Variants in CDK10 observed in about 807,000 individuals in gnomAD.
CDK10 encodes cyclin-dependent kinase 10.
Under a neutral mutation model 51.0 loss-of-function variants are expected in CDK10, and 55 were observed. The observed-to-expected ratio is 1.08, with a 90% confidence interval of 0.87 to 1.35. The LOEUF is 1.35. Among genes scored for constraint, CDK10 ranks in the 40% most tolerant of loss-of-function variants. CDK10 has a pLI of 0.00. For synonymous variants in CDK10, 255 were observed against 199.1 expected (o/e 1.28, Z -2.36); for missense variants, 589 against 485.1 (o/e 1.21, Z -2.01).
rs371915073 is a variant in CDK10, at chr16:89,693,542, C to A, written c.608+75C>A. 3 of 1,455,922 alleles carry A rather than the reference C, an allele frequency of 2.1e-6. No individual in the cohort carries two copies. In the Admixed American group the frequency reaches 5.1e-5, roughly 25 times the overall value. The allele number at this position is 1,455,922 out of a possible 1,614,324, so 90.2% of individuals were successfully genotyped here. ...GGAGGTCTCCTTGGGGATGTCAGGC[C>A]GAAGCTGCAACTGGCCTTGGGAATG... On this transcript the variant is annotated intron_variant, in intron 8 of 12. Transcript: ENST00000353379.
At chr16:89,695,382 A>G in intron 12 of CDK10, 37 bp downstream of exon 12, 1 of 1,598,762 alleles carries the variant, frequency 6.3e-7, no homozygotes, top group Non-Finnish European at 8.6e-7. Flanking sequence ...TCTGTGGGGT[A>G]TGGCTGGGAG....
chr16:89,690,490 C>G, intron 2 of CDK10, 63 bp from the exon 3 acceptor site: 1 of 1,449,002 alleles, frequency 6.9e-7, no homozygotes, highest in Non-Finnish European at 9.7e-7. Context: ...GCCTCCCGTT[C>G]AGCGCTAGGG....
Position 89,691,857 on chromosome 16 carries a change from G to A in CDK10, c.387G>A (p.Glu129=). ...AGCAGGACCTGGCCAGCCTCCTGGA[G>A]AATATGCCAACACCCTTCTCGGAGG... ...YCEQDLASLL[E]NMPTPFSEAQ... The change falls in exon 5 of 13, where the codon GAG becomes GAA. Residue 129 remains glutamate, a synonymous_variant. Transcript: ENST00000353379. 1.9e-6 allele frequency: 3 copies of A among 1,614,096 alleles called. No individual in the cohort carries two copies. The highest frequency in any genetic ancestry group is 2.5e-6 in the Non-Finnish European group (3 of 1,180,002).
intron 4 of CDK10, 101 bp from the exon 5 acceptor site, chr16:89,691,705 A>G: frequency 7.6e-7 from 1 of 1,315,838 alleles, no homozygotes; most frequent in East Asian, 2.3e-5. Flanking sequence ...TGAGGGGGAC[A>G]CAGGTTGTCC....
chr16:89,694,352 C>A (rs921169083), intron 9 of CDK10, 120 bp downstream of exon 9: 3 of 1,078,464 alleles, frequency 2.8e-6, no homozygotes, highest in East Asian at 5.1e-5. Flanking sequence ...TCTTTGCCAG[C>A]CTCCCACTCC....
chr16:89,692,620 C>G (rs1049114369), intron 6 of CDK10, 104 bp downstream of exon 6: 1 of 741,544 alleles, frequency 1.3e-6, no homozygotes. Flanking sequence ...GCTGCAGCAG[C>G]CTGCCCGCTG....
chr16:89,691,789 T>C lies in CDK10; in HGVS notation c.336-17T>C. The C allele has an allele frequency of 6.2e-7, 1 of 1,611,814 alleles. No homozygotes were observed. Among genetic ancestry groups the C allele is most frequent in the Non-Finnish European group, 8.5e-7 (1 of 1,178,092 alleles). On this transcript the variant is annotated splice_polypyrimidine_tract_variant and intron_variant, in intron 4 of 12. Transcript: ENST00000353379. ...GGAGAAGGCCGGAGAGTGGCATGCA[T>C]CTTCTGTTTCTTCCAGCATCTTCCT... is the stretch of plus-strand genomic sequence containing the variant.
At chr16:89,688,729 A>G (rs180675161) in intron 1 of CDK10, among the ~76,000 whole-genome samples, 3 of 152,306 alleles carry the variant, frequency 2.0e-5, no homozygotes, top group Admixed American at 1.3e-4. Flanking sequence ...GTGGGATTGA[A>G]AGGGAGTATC....
Position 89,695,348 on chromosome 16 carries a change from G to T in CDK10, c.985+3G>T, listed in dbSNP as rs751712519. On this transcript the variant is annotated splice_donor_region_variant and intron_variant, in intron 12 of 12. Coordinates refer to ENST00000353379, the MANE Select transcript of CDK10 (RefSeq NM_052988.5). Reference sequence around the variant, plus strand: ...CTATTTCAAGGAGAAGCCCCTACGTGAGTGTGCAGGGTTCCTGACTCGCTC... The same window carrying T: ...CTATTTCAAGGAGAAGCCCCTACGTTAGTGTGCAGGGTTCCTGACTCGCTC... 1.2e-6 allele frequency: 2 copies of T among 1,612,276 alleles called. No homozygotes were observed. Among genetic ancestry groups the T allele is most frequent in the South Asian group, 1.1e-5 (1 of 90,988 alleles).
At chr16:89,688,816 A>G (rs2060316390) in intron 1 of CDK10, among the ~76,000 whole-genome samples, 1 of 152,162 alleles carries the variant, frequency 6.6e-6, no homozygotes, top group African/African-American at 2.4e-5. Context: ...GAAAAGCCCA[A>G]GAGGCCGGGT....
At position 89,694,935 on chromosome 16, in the gene CDK10, T is replaced by C. The variant is rs1306864692; in HGVS notation, c.797T>C (p.Phe266Ser). 1.2e-6 allele frequency: 2 copies of C among 1,612,752 alleles called. No individual in the cohort carries two copies. The highest frequency in any genetic ancestry group is 2.7e-5 in the African/African-American group (2 of 74,864). ...CTCAGCTCCTGCCTCCCATAGGGCT[T>C]TTCCAAGCTGCCACTGGTCGGCCAG... The part of the protein sequence containing the change: ...GTPSENIWPG[F>S]SKLPLVGQYS... Residue 266 changes from phenylalanine to serine, a missense_variant, in exon 11 of 13, where the codon TTT (phenylalanine) becomes TCT (serine). Phe to Ser is a radical substitution (Grantham distance 155). Transcript: ENST00000353379.
intron 3 of CDK10, among the ~76,000 whole-genome samples, chr16:89,690,964 G>C (rs2060419382): frequency 6.6e-6 from 1 of 152,178 alleles, no homozygotes; most frequent in Non-Finnish European, 1.5e-5. Context: ...GAGAGGTGCC[G>C]ATTCGTATTT....
intron 3 of CDK10, 107 bp from the exon 4 acceptor site, chr16:89,691,336 C>T: frequency 2.8e-6 from 2 of 721,374 alleles, no homozygotes; most frequent in Non-Finnish European, 4.5e-6. Context: ...GAGGTGGGGA[C>T]ACTGCAGCAC....
At position 89,689,509 on chromosome 16, in the gene CDK10, G is replaced by C. The variant is rs16964566; in HGVS notation, c.160+185G>C. ...TTATCACAAACATTGTACCATTTCT[G>C]GGTAAACGTAAGCATCCGGTTGCTA... On this transcript the variant is annotated intron_variant, in intron 2 of 12. Transcript: ENST00000353379. 5,441 of 600,248 alleles carry C rather than the reference G, an allele frequency of 9.1e-3. 78 individuals are homozygous for C. The highest frequency in any genetic ancestry group is 0.042 in the African/African-American group (2,269 of 53,960). 37.2% of individuals were successfully genotyped at this position (600,248 alleles called of 1,614,324 possible). A position where few individuals can be genotyped will look rare whatever the true frequency, so the allele number is the denominator to read the frequency against.
chr16:89,695,735 C>T lies in CDK10; in HGVS notation c.*43C>T, dbSNP rs367679623. On this transcript the variant is annotated 3_prime_UTR_variant, in exon 13 of 13. Coordinates refer to ENST00000353379, the MANE Select transcript of CDK10 (RefSeq NM_052988.5). ...GCCTGTATTCCCACACCAGGTCTTC[C>T]GATCAGTGGTGTCTGTGAAGGGTGC... 32 of 1,590,690 alleles carry T rather than the reference C, an allele frequency of 2.0e-5. No individual in the cohort carries two copies. Among genetic ancestry groups the T allele is most frequent in the African/African-American group, 1.6e-4 (12 of 74,758 alleles).
chr16:89,689,656 T>G, intron 2 of CDK10: 1 of 276,652 alleles, frequency 3.6e-6, no homozygotes, highest in Non-Finnish European at 7.0e-6. Context: ...TCAGCAACTC[T>G]GGAGGAGTCA....
chr16:89,692,458 A>T lies in CDK10; in HGVS notation c.427A>T (p.Ile143Phe). The change falls in exon 6 of 13, where the codon ATC (isoleucine) becomes TTC (phenylalanine). Residue 143 changes from isoleucine (I) to phenylalanine (F), a missense_variant. Transcript: ENST00000353379. Reference protein sequence around the residue: ...TPFSEAQVKCIVLQVLRGLQY... With the variant: ...TPFSEAQVKCFVLQVLRGLQY... Reference sequence around the variant, plus strand: ...CTGACCCTCTGCACAGGTCAAGTGCATCGTGCTGCAGGTGCTCCGGGGCCT... The same window carrying T: ...CTGACCCTCTGCACAGGTCAAGTGCTTCGTGCTGCAGGTGCTCCGGGGCCT... 1 of 1,592,462 alleles carries T rather than the reference A, an allele frequency of 6.3e-7. No homozygotes were observed. Among genetic ancestry groups the T allele is most frequent in the South Asian group, 1.1e-5 (1 of 88,632 alleles).
At chr16:89,690,871 A>G (rs185079043) in intron 3 of CDK10, among the ~76,000 whole-genome samples, 2 of 152,144 alleles carry the variant, frequency 1.3e-5, no homozygotes, top group Admixed American at 1.3e-4. Context: ...CTGCAGGCTC[A>G]GCTCTGCTGT....
rs1438048812 is a variant in CDK10, at chr16:89,691,486, C to T, written c.276C>T (p.Arg92=). 1.2e-6 allele frequency: 2 copies of T among 1,613,862 alleles called. No homozygotes were observed. Among genetic ancestry groups the T allele is most frequent in the East Asian group, 2.2e-5 (1 of 44,876 alleles). The change falls in exon 4 of 13, where the codon CGC becomes CGT. Residue 92 remains arginine (R), a synonymous_variant. Transcript: ENST00000353379. ...TGCGGGAGATCACGCTGCTGCTCCG[C>T]CTGCGTCATCCGAACATCGTGGAGC... is the stretch of plus-strand genomic sequence containing the variant. ...SSLREITLLL[R]LRHPNIVELK... is the part of the protein sequence containing the mutation.
Sources: allele counts gnomAD v4.1 joint callset (sites outside exome capture counted in the v4.1 genomes callset), GRCh38; gene constraint gnomAD v4.1.1; transcripts MANE v1.5; gene names NCBI Gene and HGNC (gene_info 2026-07-23, HGNC 2026-07-21).